The following TBC1D22A variants were observed in gnomAD, a reference collection of about 807,000 sequenced individuals.
TBC1D22A encodes putative GTPase activator.
Under a neutral mutation model 60.2 loss-of-function variants are expected in TBC1D22A, and 38 were observed. The ratio of observed to expected loss-of-function variants is 0.63; its 90% confidence interval spans 0.49 to 0.83. The LOEUF (loss-of-function observed/expected upper bound fraction) is 0.83. Ranked by LOEUF, TBC1D22A falls within the 40% of genes least tolerant of loss-of-function variation. The probability of loss-of-function intolerance (pLI) is 0.00; values close to 1 mark genes in which losing one functional copy is unlikely to be tolerated. For missense variants in TBC1D22A, 628 were observed against 701.0 expected (o/e 0.90, Z 1.18); for synonymous variants, 302 against 281.7 (o/e 1.07, Z -0.72).
intron 8 of TBC1D22A, among the ~76,000 whole-genome samples, chr22:46,919,762 CTTATA>C (rs1166072363): frequency 7.5e-6 from 1 of 134,220 alleles, no homozygotes; most frequent in East Asian, 2.2e-4. Context: ...TTTACTGAAT[CTTATA>C]TTAATTTAAA....
Position 46,777,912 on chromosome 22 carries a change from C to T in TBC1D22A, c.63-14608C>T, listed in dbSNP as rs571616740. Among the ~76,000 whole-genome samples the T allele has an allele frequency of 1.8e-4, 28 of 152,310 alleles. No individual in the cohort carries two copies. The highest frequency in any genetic ancestry group is 4.6e-4 in the African/African-American group (19 of 41,566). On this transcript the variant is annotated intron_variant, in intron 1 of 12. Transcript: ENST00000337137. The surrounding 1 kb of genome is among the most constrained non-coding windows in gnomAD (Gnocchi z 4.5). The stretch of plus-strand genomic sequence containing the variant: ...AACCCAGGTAGAGTTAGCGCAGTGT[C>T]GCCTGCTGCACACCTAGGCTGTACG...
intron 9 of TBC1D22A, among the ~76,000 whole-genome samples, chr22:46,979,208 T>C (rs1163505749): frequency 1.3e-5 from 2 of 152,214 alleles, no homozygotes; most frequent in Non-Finnish European, 2.9e-5. Context: ...ATCAAATTTG[T>C]TAGTATATTA....
In TBC1D22A at chr22:46,990,099, C is replaced by T. The variant is rs117253024; in HGVS notation, c.1126-7535C>T. ...GATTACAGATGTGCGCCACCGCGCC[C>T]GGCCGCAAAATGTAAGTTTTATTTA... On this transcript the variant is annotated intron_variant, in intron 9 of 12. Transcript: ENST00000337137. The surrounding 1 kb of genome is among the most constrained non-coding windows in gnomAD (Gnocchi z 4.6). Among the ~76,000 whole-genome samples, 134 of 152,294 alleles carry T rather than the reference C, an allele frequency of 8.8e-4. 2 individuals carry two copies. In the East Asian group the frequency reaches 0.022, roughly 25 times the overall value.
At chr22:47,119,149 A>G (rs1196964635) in intron 12 of TBC1D22A, among the ~76,000 whole-genome samples, 1 of 152,166 alleles carries the variant, frequency 6.6e-6, no homozygotes, top group East Asian at 1.9e-4. Flanking sequence ...CCATCTCAAA[A>G]TAAAATAAAA....
chr22:47,033,361 T>G lies in TBC1D22A; in HGVS notation c.1202-3710T>G, dbSNP rs144855789. Among the ~76,000 whole-genome samples the G allele has an allele frequency of 8.7e-4, 132 of 152,350 alleles. 1 individual carries two copies. The highest frequency in any genetic ancestry group is 3.0e-3 in the African/African-American group (126 of 41,582). Reference sequence around the variant, plus strand: ...GTGTGGCTGGAAAACTCCTCGCTATTGCTGTGTTGAGAAATAGAAGTAGAG... The same window carrying G: ...GTGTGGCTGGAAAACTCCTCGCTATGGCTGTGTTGAGAAATAGAAGTAGAG... On this transcript the variant is annotated intron_variant, in intron 10 of 12. Transcript: ENST00000337137.
chr22:47,084,289 C>T (rs913629124), intron 11 of TBC1D22A, among the ~76,000 whole-genome samples: 2 of 152,248 alleles, frequency 1.3e-5, no homozygotes, highest in African/African-American at 2.4e-5. Context: ...ACATTCCCAT[C>T]ATTGCAGAAT....
chr22:46,917,260 C>G (rs1436548615), intron 8 of TBC1D22A, among the ~76,000 whole-genome samples: 1 of 152,148 alleles, frequency 6.6e-6, no homozygotes, highest in Non-Finnish European at 1.5e-5. Context: ...AACATAGGGT[C>G]CAGGGCATCT....
intron 8 of TBC1D22A, among the ~76,000 whole-genome samples, chr22:46,919,891 C>T (rs894666361): frequency 6.6e-6 from 1 of 152,120 alleles, no homozygotes; most frequent in Non-Finnish European, 1.5e-5. Flanking sequence ...CTGCTGTTTT[C>T]CCCATAGCCC....
At chr22:46,812,044 A>G (rs1272680549) in intron 4 of TBC1D22A, among the ~76,000 whole-genome samples, 3 of 152,096 alleles carry the variant, frequency 2.0e-5, no homozygotes, top group African/African-American at 7.2e-5. Context: ...TTCTGTGTGT[A>G]GTTGGGAGTC....
chr22:46,846,298 GCAC>G lies in TBC1D22A; in HGVS notation c.638-32354_638-32352del, dbSNP rs1309128862. Among the ~76,000 whole-genome samples, 401 of 152,334 alleles carry G rather than the reference GCAC, an allele frequency of 2.6e-3. 4 individuals are homozygous for G. The highest frequency in any genetic ancestry group is 1.7e-3 in the Non-Finnish European group (118 of 68,030). ...TAGTGAGTTGGATTTGTTGCTAGCA[GCAC>G]TGATCCATTTGTATGTATGTTTGTC... is the stretch of plus-strand genomic sequence containing the variant. On this transcript the variant is annotated intron_variant, in intron 4 of 12. Transcript: ENST00000337137.
At chr22:47,066,052 A>G (rs1330571028) in intron 11 of TBC1D22A, among the ~76,000 whole-genome samples, 3 of 152,250 alleles carry the variant, frequency 2.0e-5, no homozygotes, top group African/African-American at 4.8e-5. Flanking sequence ...GCTGGTGGAA[A>G]GAAACACATT....
At chr22:46,764,673 G>A (rs1212236071) in intron 1 of TBC1D22A, among the ~76,000 whole-genome samples, 5 of 152,152 alleles carry the variant, frequency 3.3e-5, no homozygotes, top group Non-Finnish European at 2.9e-5. Flanking sequence ...GCCTTAGTTC[G>A]TCAACTAGTA....
At chr22:46,948,338 C>T (rs75719915) in intron 8 of TBC1D22A, among the ~76,000 whole-genome samples, 2,875 of 152,296 alleles carry the variant, frequency 0.019, 84 homozygotes, top group African/African-American at 0.066. Flanking sequence ...ATTAGAGTTT[C>T]CCACCAACTC....
chr22:47,143,435 G>T (rs75104090), intron 12 of TBC1D22A, among the ~76,000 whole-genome samples: 1 of 152,230 alleles, frequency 6.6e-6, no homozygotes, highest in Admixed American at 6.5e-5. Flanking sequence ...AAGCCCTGCC[G>T]CGCTGGCTAG....
chr22:46,995,084 C>T (rs1186997804), intron 9 of TBC1D22A, among the ~76,000 whole-genome samples: 1 of 152,198 alleles, frequency 6.6e-6, no homozygotes, highest in Non-Finnish European at 1.5e-5. Context: ...CATTAAACAC[C>T]GTATTTTGGA....
In TBC1D22A at chr22:46,956,274, C is replaced by T. The variant is rs116582925; in HGVS notation, c.1016-18016C>T. On this transcript the variant is annotated intron_variant, in intron 8 of 12. Transcript: ENST00000337137. Reference sequence around the variant, plus strand: ...TAGGGTGTGCCCTAACCCCATGGAACTGATGTCCTAATAAGAAGAAGAGAT... The same window carrying T: ...TAGGGTGTGCCCTAACCCCATGGAATTGATGTCCTAATAAGAAGAAGAGAT... Among the ~76,000 whole-genome samples, 318 of 152,174 alleles carry T rather than the reference C, an allele frequency of 2.1e-3. 1 individual carries two copies. The highest frequency in any genetic ancestry group is 7.4e-3 in the African/African-American group (308 of 41,520).
At chr22:47,165,521 G>A (rs1214042331) in intron 12 of TBC1D22A, among the ~76,000 whole-genome samples, 1 of 148,526 alleles carries the variant, frequency 6.7e-6, no homozygotes, top group African/African-American at 2.6e-5. Context: ...CTGGGCTCTG[G>A]AGCAGGCATG....
chr22:47,129,830 C>T (rs376449981), intron 12 of TBC1D22A, among the ~76,000 whole-genome samples: 112 of 152,384 alleles, frequency 7.3e-4, no homozygotes, highest in Middle Eastern at 3.4e-3. Context: ...CCGCCAGAGG[C>T]GCCGCTCAGC....
intron 11 of TBC1D22A, among the ~76,000 whole-genome samples, chr22:47,066,790 A>C (rs2063786818): frequency 6.6e-6 from 1 of 151,970 alleles, no homozygotes; most frequent in Non-Finnish European, 1.5e-5. Flanking sequence ...GCATACCTGT[A>C]CCTCTGCTCT....
Sources: allele counts gnomAD v4.1 joint callset (sites outside exome capture counted in the v4.1 genomes callset), GRCh38; gene constraint gnomAD v4.1.1; non-coding constraint Gnocchi (gnomAD v3.1); transcripts MANE v1.5; gene names NCBI Gene and HGNC (gene_info 2026-07-23, HGNC 2026-07-21).